GCA: variants seen among roughly 807,000 people sequenced by gnomAD.
GCA encodes the protein grancalcin, EF-hand calcium-binding protein.
In GCA, 30 loss-of-function variants were observed where a neutral mutation model predicts 32.6. The observed-to-expected ratio is 0.92, with a 90% CI of 0.69 to 1.25. The LOEUF is 1.25. Among genes scored for constraint, GCA ranks in the 50% most tolerant of loss-of-function variants. GCA has a pLI of 0.00. For missense variants in GCA, 291 were observed against 266.8 expected (o/e 1.09, Z -0.63); for synonymous variants, 102 against 84.6 (o/e 1.21, Z -1.13).
At chr2:162,374,372 C>T (rs1686085314), downstream of GCA, among the ~76,000 whole-genome samples, 1 of 152,110 alleles carries the variant, frequency 6.6e-6, no homozygotes, top group African/African-American at 2.4e-5. Context: ...ATTTCATTCT[C>T]ATTTTAAATT....
At chr2:162,326,683 A>AT (rs1322182950) in intron 1 of GCA, among the ~76,000 whole-genome samples, 1 of 151,894 alleles carries the variant, frequency 6.6e-6, no homozygotes, top group Non-Finnish European at 1.5e-5. Flanking sequence ...TGCCCAACTA[A>AT]TTTTTTGTAT....
At chr2:162,335,572 T>G (rs894836999) in intron 1 of GCA, among the ~76,000 whole-genome samples, 4 of 152,136 alleles carry the variant, frequency 2.6e-5, no homozygotes, top group African/African-American at 9.7e-5. Context: ...TGTGGGTCCT[T>G]GGAGAAACTG....
intron 1 of GCA, among the ~76,000 whole-genome samples, chr2:162,328,568 C>T (rs1270331693): frequency 1.3e-5 from 2 of 152,154 alleles, no homozygotes; most frequent in African/African-American, 4.8e-5. Context: ...GGAGCATACA[C>T]ACGGGCAGGC....
rs11897974 is a variant in GCA at position 162,347,221 on chromosome 2, C to G, written c.28-357C>G. ...TTCTAAGTATGTGTCTTGAGGTTTA[C>G]TTCTTAGTTTTACTTTAGGTAAAAT... On this transcript the variant is annotated intron_variant, in intron 1 of 7. Coordinates refer to ENST00000437150, the MANE Select transcript of GCA (RefSeq NM_012198.5). Among the ~76,000 whole-genome samples, 771 of 152,226 alleles carry G rather than the reference C, an allele frequency of 5.1e-3. 10 individuals carry two copies. Among genetic ancestry groups the G allele is most frequent in the African/African-American group, 0.018 (730 of 41,554 alleles).
Position 162,362,189 on chromosome 2 carries a change from G to A in GCA, c.*1946G>A, listed in dbSNP as rs1685600756. The A allele has an allele frequency of 4.1e-6, 4 of 984,080 alleles. No homozygotes were observed. Among genetic ancestry groups the A allele is most frequent in the Admixed American group, 1.2e-4 (2 of 16,088 alleles). The allele number at this position is 984,080 out of a possible 1,614,324, so 61.0% of individuals were successfully genotyped here. A position where few individuals can be genotyped will look rare whatever the true frequency, so the allele number is the denominator to read the frequency against. On this transcript the variant is annotated 3_prime_UTR_variant, in exon 8 of 8. Coordinates refer to ENST00000437150, the MANE Select transcript of GCA (RefSeq NM_012198.5). ...GTATATTAGCATCTGAAACCCCAAG[G>A]TTAATAAAATCAGTCATGTTTAATT...
chr2:162,326,318 C>A (rs1438417584), intron 1 of GCA, among the ~76,000 whole-genome samples: 1 of 152,160 alleles, frequency 6.6e-6, no homozygotes, highest in Non-Finnish European at 1.5e-5. Flanking sequence ...CCAAGCCAGT[C>A]CTTCCTGTAA....
At position 162,352,420 on chromosome 2, in the gene GCA, T is replaced by C. The variant is rs373171334; in HGVS notation, c.262+13T>C. Reference sequence around the variant, plus strand: ...GGAACTTACTCTCGTGAGATCTTTTTTCCCCTTTTGTTGAAATTATAATAG... The same window carrying C: ...GGAACTTACTCTCGTGAGATCTTTTCTCCCCTTTTGTTGAAATTATAATAG... On this transcript the variant is annotated intron_variant, in intron 3 of 7. Coordinates refer to ENST00000437150, the MANE Select transcript of GCA (RefSeq NM_012198.5). 7 of 1,470,790 alleles carry C rather than the reference T, an allele frequency of 4.8e-6. No homozygotes were observed. Among genetic ancestry groups the C allele is most frequent in the Non-Finnish European group, 6.6e-6 (7 of 1,055,934 alleles). The allele number at this position is 1,470,790 out of a possible 1,614,324, so 91.1% of individuals were successfully genotyped here.
downstream of GCA, chr2:162,371,650 A>C (rs1425155470): frequency 2.9e-5 from 23 of 779,682 alleles, no homozygotes; most frequent in South Asian, 4.7e-5. Context: ...TCTTATGTAT[A>C]TTTACATCCT....
rs1249265806 is a variant in GCA at position 162,344,161 on chromosome 2, C to A, written c.-88C>A. Reference sequence around the variant, plus strand: ...CGCCTTTCAGCCTCACCTGCAGCTGCGCCTCCTTGCACCTGCGCCTGTGCT... The same window carrying A: ...CGCCTTTCAGCCTCACCTGCAGCTGAGCCTCCTTGCACCTGCGCCTGTGCT... On this transcript the variant is annotated 5_prime_UTR_variant, in exon 1 of 8. Coordinates refer to ENST00000437150, the MANE Select transcript of GCA (RefSeq NM_012198.5). The A allele has an allele frequency of 1.4e-6, 2 of 1,415,440 alleles. No individual in the cohort carries two copies. Among genetic ancestry groups the A allele is most frequent in the Admixed American group, 1.7e-5 (1 of 58,830 alleles). 87.7% of individuals were successfully genotyped at this position (1,415,440 alleles called of 1,614,324 possible).
At chr2:162,337,544 C>A (rs1684307458) in intron 1 of GCA, among the ~76,000 whole-genome samples, 1 of 152,156 alleles carries the variant, frequency 6.6e-6, no homozygotes, top group Admixed American at 6.6e-5. Context: ...GCAGCAGCAA[C>A]TGAGCTTTAT....
intron 3 of GCA, among the ~76,000 whole-genome samples, 196 bp downstream of exon 3, chr2:162,352,603 C>T (rs1471528244): frequency 9.9e-5 from 15 of 152,108 alleles, no homozygotes; most frequent in Non-Finnish European, 1.5e-5. Context: ...ATTAACTGCT[C>T]ATAGAGGACA....
intron 1 of GCA, among the ~76,000 whole-genome samples, chr2:162,346,074 A>T (rs758790703): frequency 6.6e-6 from 1 of 152,164 alleles, no homozygotes; most frequent in Non-Finnish European, 1.5e-5. Context: ...TACTAATTGT[A>T]TACGAATAAA....
At chr2:162,332,379 A>C (rs1469063402) in intron 1 of GCA, among the ~76,000 whole-genome samples, 2 of 147,154 alleles carry the variant, frequency 1.4e-5, no homozygotes, top group African/African-American at 4.9e-5. Flanking sequence ...TATATAAATT[A>C]TATAATATAT....
intron 1 of GCA, among the ~76,000 whole-genome samples, chr2:162,334,621 T>C (rs1684204184): frequency 6.6e-6 from 1 of 152,208 alleles, no homozygotes; most frequent in South Asian, 2.1e-4. Context: ...CATCCTGAGC[T>C]AACCTCTAGC....
At chr2:162,336,032 T>C (rs1684260141) in intron 1 of GCA, among the ~76,000 whole-genome samples, 1 of 152,250 alleles carries the variant, frequency 6.6e-6, no homozygotes, top group Admixed American at 6.5e-5. Context: ...GCTTAGCTGA[T>C]AGGTAGTTTC....
chr2:162,345,093 ATGGTGGTGGTGGTGGTGGTGG>A (rs377413955), intron 1 of GCA, among the ~76,000 whole-genome samples: 3 of 109,398 alleles, frequency 2.7e-5, no homozygotes, highest in Middle Eastern at 4.6e-3. Context: ...CTTGGAGTTC[ATGGTGGTGGTGGTGGTGGTGG>A]TGGTGGTGGT....
chr2:162,365,510 G>T (rs1251643881), downstream of GCA, among the ~76,000 whole-genome samples: 1 of 151,532 alleles, frequency 6.6e-6, no homozygotes, highest in Non-Finnish European at 1.5e-5. Context: ...ATAAAAACTA[G>T]GAAATAGTAT....
chr2:162,348,984 C>A (rs1173780988), intron 2 of GCA, among the ~76,000 whole-genome samples: 5 of 151,540 alleles, frequency 3.3e-5, no homozygotes, highest in Admixed American at 3.3e-4. Flanking sequence ...CTAAAGGTTT[C>A]TTTTTCTTTT....
At position 162,360,806 on chromosome 2, in the gene GCA, G is replaced by C; in HGVS notation, c.*563G>C. 2.3e-6 allele frequency: 3 copies of C among 1,289,800 alleles called. No homozygotes were observed. Among genetic ancestry groups the C allele is most frequent in the Non-Finnish European group, 3.0e-6 (3 of 1,006,426 alleles). 79.9% of individuals were successfully genotyped at this position (1,289,800 alleles called of 1,614,324 possible). On this transcript the variant is annotated 3_prime_UTR_variant, in exon 8 of 8. Transcript: ENST00000437150. The stretch of plus-strand genomic sequence containing the variant: ...GAAAATTATCTCCCTAGTTCAATCT[G>C]TAGTGAAATAAGACTACAGAAGGCA...
Sources: gnomAD v4.1 joint callset for allele counts (sites outside exome capture counted in the v4.1 genomes callset) on GRCh38, gnomAD v4.1.1 for gene constraint, MANE v1.5 for transcripts, NCBI Gene and HGNC (gene_info 2026-07-23, HGNC 2026-07-21) for gene names.